The following DENND2B variants were observed in gnomAD, a reference collection of about 807,000 sequenced individuals.
DENND2B encodes the protein DENN domain containing 2B.
A neutral mutation model predicts 116.0 loss-of-function variants in DENND2B; 32 were observed. That is an observed-to-expected ratio of 0.28 (90% CI 0.21 to 0.37). The LOEUF (loss-of-function observed/expected upper bound fraction) is 0.37, where lower values mean the gene tolerates loss of function less well. Among genes scored for constraint, DENND2B ranks in the 10% least tolerant of loss-of-function variants. The pLI is 1.00. For missense variants in DENND2B, 1,276 were observed against 1,477.7 expected (o/e 0.86, Z 2.24); for synonymous variants, 588 against 583.9 (o/e 1.01, Z -0.10).
chr11:8,788,239 T>C (rs1022516563), intron 1 of DENND2B, among the ~76,000 whole-genome samples: 33 of 152,112 alleles, frequency 2.2e-4, no homozygotes, highest in African/African-American at 6.8e-4. Context: ...CAGAAAAGCA[T>C]TGGGGTTACT....
intron 1 of DENND2B, among the ~76,000 whole-genome samples, chr11:8,772,409 G>A (rs1232354152): frequency 6.6e-6 from 1 of 151,992 alleles, no homozygotes; most frequent in Admixed American, 6.5e-5. Flanking sequence ...AGTGGGGACA[G>A]TCTTGTCCCC....
At chr11:8,897,865 A>G (rs2064121786) in intron 1 of DENND2B, among the ~76,000 whole-genome samples, 1 of 152,128 alleles carries the variant, frequency 6.6e-6, no homozygotes, top group African/African-American at 2.4e-5. Context: ...AGCTCACTAT[A>G]ACCTTGAACT....
chr11:8,852,562 G>A (rs2063046503), intron 3 of DENND2B, among the ~76,000 whole-genome samples: 1 of 152,210 alleles, frequency 6.6e-6, no homozygotes, highest in African/African-American at 2.4e-5. Flanking sequence ...TGTCTGGGAA[G>A]AGGCATCAGG....
chr11:8,803,631 G>C (rs1359388173), intron 1 of DENND2B, among the ~76,000 whole-genome samples: 1 of 152,218 alleles, frequency 6.6e-6, no homozygotes, highest in Non-Finnish European at 1.5e-5. Flanking sequence ...AACATTTATT[G>C]AGAGCATATT....
At chr11:8,840,983 G>A (rs7945705) in intron 3 of DENND2B, among the ~76,000 whole-genome samples, 49,744 of 151,830 alleles carry the variant, frequency 0.33, 9,986 homozygotes, top group Non-Finnish European at 0.43. Flanking sequence ...GATTTTAAAA[G>A]AAAAAGGCAT....
intron 9 of DENND2B, 89 bp from the exon 10 acceptor site, chr11:8,711,320 A>G: frequency 8.9e-7 from 1 of 1,119,484 alleles, no homozygotes; most frequent in Non-Finnish European, 1.3e-6. Context: ...AGGGCCCTAG[A>G]TGCCACTGAC....
At chr11:8,792,022 A>G (rs2059425202) in intron 1 of DENND2B, among the ~76,000 whole-genome samples, 1 of 152,110 alleles carries the variant, frequency 6.6e-6, no homozygotes, top group African/African-American at 2.4e-5. Flanking sequence ...CCTGGCAAAC[A>G]TGGTGAAACC....
In DENND2B at chr11:8,731,123, C is replaced by T. The variant is rs1262995491; in HGVS notation, c.167G>A (p.Arg56Lys). Residue 56 changes from arginine to lysine, a missense_variant, in exon 3 of 20, where the codon AGG (arginine) becomes AAG (lysine). Arg to Lys is a conservative substitution (Grantham distance 26). This residue lies in a region of DENND2B where 856 missense variants were observed against 846.6 expected (regional missense o/e 1.01). Coordinates refer to ENST00000313726, the MANE Select transcript of DENND2B (RefSeq NM_213618.2). The stretch of plus-strand genomic sequence containing the variant: ...CCGGGAGCTGGAGTGGCTGGGGTAC[C>T]TGCAGGCTGAGGTTTCACTATCACT... ...PLSDSETSAC[R>K]YPSHSSSRVL... 1 of 1,595,554 alleles carries T rather than the reference C, an allele frequency of 6.3e-7. No homozygotes were observed. Among genetic ancestry groups the T allele is most frequent in the African/African-American group, 1.3e-5 (1 of 74,504 alleles).
intron 3 of DENND2B, among the ~76,000 whole-genome samples, chr11:8,846,287 TG>T (rs761792960): frequency 2.2e-4 from 34 of 152,142 alleles, no homozygotes; most frequent in Non-Finnish European, 4.6e-4. Context: ...GAGTGTGGTA[TG>T]AAGGAATAAA....
At chr11:8,721,612 A>G (rs568616127) in intron 4 of DENND2B, among the ~76,000 whole-genome samples, 30 of 152,290 alleles carry the variant, frequency 2.0e-4, no homozygotes, top group African/African-American at 6.7e-4. Context: ...CTGGCAACAG[A>G]TCAGACTGGG....
rs1211115751 is a variant in DENND2B at position 8,718,097 on chromosome 11, CCCCCCCACCCCCCCCAA to C, written c.1478-222_1478-206del. On this transcript the variant is annotated intron_variant, in intron 4 of 19. Coordinates refer to ENST00000313726, the MANE Select transcript of DENND2B (RefSeq NM_213618.2). ...GGCTCCAAGTCCAGAAGCAGACCCA[CCCCCCCACCCCCCCCAA>C]CCCCCCACCCCCAGCCCAGCTCAGC... 1.5e-4 allele frequency: 40 copies of C among 264,434 alleles called. 3 individuals carry two copies. In the East Asian group the frequency reaches 2.5e-3, roughly 17 times the overall value. 16.4% of individuals were successfully genotyped at this position (264,434 alleles called of 1,614,324 possible).
chr11:8,877,109 T>TA (rs1275557525), intron 2 of DENND2B, among the ~76,000 whole-genome samples: 1 of 141,482 alleles, frequency 7.1e-6, no homozygotes, highest in East Asian at 2.1e-4. Context: ...ACTTTTTTTT[T>TA]TTTTTTTTTT....
At chr11:8,734,234 C>A (rs911394120) in intron 2 of DENND2B, among the ~76,000 whole-genome samples, 3 of 152,170 alleles carry the variant, frequency 2.0e-5, no homozygotes, top group Non-Finnish European at 2.9e-5. Flanking sequence ...AGTTTCATTT[C>A]TTCAAAACTG....
intron 2 of DENND2B, among the ~76,000 whole-genome samples, chr11:8,739,044 T>C (rs1483987656): frequency 6.6e-6 from 1 of 152,224 alleles, no homozygotes; most frequent in Admixed American, 6.5e-5. Context: ...AACAGTATCT[T>C]GTTAATCTTG....
chr11:8,714,728 G>A (rs1314192829), intron 6 of DENND2B, 22 bp from the exon 7 acceptor site: 1 of 1,607,320 alleles, frequency 6.2e-7, no homozygotes, highest in South Asian at 1.1e-5. Context: ...AAGCAGGATG[G>A]GTGAGGTAAC....
In DENND2B at chr11:8,800,954, T is replaced by G. The variant is rs1245372478; in HGVS notation, c.-26+9563A>C. Among the ~76,000 whole-genome samples, 7 of 151,994 alleles carry G rather than the reference T, an allele frequency of 4.6e-5. No individual in the cohort carries two copies. The East Asian group carries it at 1.4e-3, about 29-fold the overall frequency. ...GTCTCACCTGGGGCTGGGATCAGGC[T>G]ATCTCTTGGGAAGATGAAGTACCAG... is the stretch of plus-strand genomic sequence containing the variant. On this transcript the variant is annotated intron_variant, in intron 1 of 19. Coordinates refer to ENST00000313726, the MANE Select transcript of DENND2B (RefSeq NM_213618.2).
chr11:8,833,555 G>A (rs978225769), intron 4 of DENND2B, among the ~76,000 whole-genome samples: 3 of 152,118 alleles, frequency 2.0e-5, no homozygotes, highest in African/African-American at 7.2e-5. Context: ...ACACACGTCT[G>A]TTCTTCAAAG....
chr11:8,802,507 T>C (rs1024990731), intron 1 of DENND2B, among the ~76,000 whole-genome samples: 1 of 152,096 alleles, frequency 6.6e-6, no homozygotes, highest in Non-Finnish European at 1.5e-5. Flanking sequence ...ACAAGTAACT[T>C]GTCCAAGGTT....
In DENND2B at chr11:8,766,025, T is replaced by C. The variant is rs114479956; in HGVS notation, c.-25-15300A>G. ...GCCTGGGTGACAGAGTGAGACTTCA[T>C]ATAAAAACAAACAAAAAACCTACTT... On this transcript the variant is annotated intron_variant, in intron 1 of 19. Coordinates refer to ENST00000313726, the MANE Select transcript of DENND2B (RefSeq NM_213618.2). Among the ~76,000 whole-genome samples, 1,396 of 152,098 alleles carry C rather than the reference T, an allele frequency of 9.2e-3. 25 individuals are homozygous for C. The highest frequency in any genetic ancestry group is 0.032 in the African/African-American group (1,342 of 41,466).
Sources: allele counts gnomAD v4.1 joint callset (sites outside exome capture counted in the v4.1 genomes callset), GRCh38; gene constraint gnomAD v4.1.1; regional missense constraint gnomAD v4.1.1; transcripts MANE v1.5; gene names NCBI Gene and HGNC (gene_info 2026-07-23, HGNC 2026-07-21).